Variants in CPEB3 observed in about 807,000 individuals in gnomAD.
The protein encoded by CPEB3 is cytoplasmic polyadenylation element binding protein 3.
A neutral mutation model predicts 67.2 loss-of-function variants in CPEB3; 20 were observed. That is an observed-to-expected ratio of 0.30 (90% CI 0.21 to 0.43). The LOEUF is 0.43. CPEB3 is among the 20% of genes least tolerant of loss of function. The pLI is 1.00. For synonymous variants in CPEB3, 376 were observed against 393.1 expected (o/e 0.96, Z 0.51); for missense variants, 746 against 968.6 (o/e 0.77, Z 3.05).
chr10:92,113,981 T>C (rs1372321092), intron 6 of CPEB3, among the ~76,000 whole-genome samples: 1 of 152,230 alleles, frequency 6.6e-6, no homozygotes, highest in Non-Finnish European at 1.5e-5. Flanking sequence ...AGGATGGCTC[T>C]TTTACTATAA....
chr10:92,199,658 T>C (rs1164224960), intron 2 of CPEB3, among the ~76,000 whole-genome samples: 3 of 115,104 alleles, frequency 2.6e-5, no homozygotes, highest in Non-Finnish European at 4.9e-5. Context: ...TACTCCAGCC[T>C]GGGTGACAGA....
chr10:92,125,158 GT>G (rs1845555444), intron 6 of CPEB3, among the ~76,000 whole-genome samples: 1 of 152,228 alleles, frequency 6.6e-6, no homozygotes, highest in Non-Finnish European at 1.5e-5. Flanking sequence ...CTAAAAGTGG[GT>G]GGGAATCATT....
intron 1 of CPEB3, among the ~76,000 whole-genome samples, chr10:92,259,216 G>C (rs1226594056): frequency 6.6e-6 from 1 of 151,744 alleles, no homozygotes; most frequent in Non-Finnish European, 1.5e-5. Context: ...ACCCACCTCA[G>C]CCTCCCAAAG....
chr10:92,198,074 C>G (rs984274720), intron 2 of CPEB3, among the ~76,000 whole-genome samples: 1 of 152,114 alleles, frequency 6.6e-6, no homozygotes, highest in African/African-American at 2.4e-5. Flanking sequence ...CCATTGCACT[C>G]CACCCTGGGT....
intron 4 of CPEB3, among the ~76,000 whole-genome samples, chr10:92,179,018 G>A (rs1256631106): frequency 2.0e-5 from 3 of 152,080 alleles, no homozygotes; most frequent in African/African-American, 7.2e-5. Context: ...GACATTCAAA[G>A]ATTGATGCAC....
intron 4 of CPEB3, among the ~76,000 whole-genome samples, chr10:92,160,455 TTAATA>T (rs1172782690): frequency 1.3e-5 from 2 of 152,170 alleles, no homozygotes; most frequent in East Asian, 1.9e-4. Context: ...TATGGATGGA[TTAATA>T]TAACACTTCA....
intron 4 of CPEB3, among the ~76,000 whole-genome samples, chr10:92,145,903 T>G (rs1846656948): frequency 6.6e-6 from 1 of 152,206 alleles, no homozygotes; most frequent in Non-Finnish European, 1.5e-5. Flanking sequence ...GGCTGATAAC[T>G]TCTTTTCTAA....
At chr10:92,111,368 CTTGT>C (rs1844733550) in intron 6 of CPEB3, among the ~76,000 whole-genome samples, 174 bp from the exon 7 acceptor site, 2 of 152,318 alleles carry the variant, frequency 1.3e-5, no homozygotes, top group Middle Eastern at 3.4e-3. Context: ...TTGATATTAC[CTTGT>C]TTAATTTTTA....
intron 1 of CPEB3, among the ~76,000 whole-genome samples, chr10:92,258,392 G>C (rs1278990254): frequency 1.3e-5 from 2 of 151,684 alleles, no homozygotes; most frequent in African/African-American, 4.8e-5. Context: ...GAGCCACCGT[G>C]CCTGGCCAAC....
At chr10:92,075,987 T>C (rs1842919001) in intron 9 of CPEB3, among the ~76,000 whole-genome samples, 1 of 152,246 alleles carries the variant, frequency 6.6e-6, no homozygotes, top group South Asian at 2.1e-4. Context: ...ACACCTCATA[T>C]GGCCCTACTG....
At chr10:92,165,923 T>C (rs1847717193) in intron 4 of CPEB3, among the ~76,000 whole-genome samples, 1 of 152,158 alleles carries the variant, frequency 6.6e-6, no homozygotes, top group Middle Eastern at 3.2e-3. Context: ...AAGTTGTCCA[T>C]GAGGAATGGA....
At chr10:92,227,225 TTC>T (rs1851019743) in intron 2 of CPEB3, among the ~76,000 whole-genome samples, 1 of 152,190 alleles carries the variant, frequency 6.6e-6, no homozygotes, top group Admixed American at 6.6e-5. Context: ...TTAGGTAATA[TTC>T]TCTGAGTCTC....
intron 4 of CPEB3, among the ~76,000 whole-genome samples, chr10:92,175,956 T>C (rs1848204904): frequency 6.6e-6 from 1 of 152,138 alleles, no homozygotes; most frequent in African/African-American, 2.4e-5. Flanking sequence ...CCAGGCATAG[T>C]GGCGTGTGCC....
At chr10:92,257,027 CTTT>C (rs1265033670) in intron 1 of CPEB3, among the ~76,000 whole-genome samples, 1 of 152,162 alleles carries the variant, frequency 6.6e-6, no homozygotes, top group Admixed American at 6.5e-5. Flanking sequence ...TAAAGCACTT[CTTT>C]AACATTAGAC....
In CPEB3 at chr10:92,239,558, C is replaced by T. The variant is rs761634354; in HGVS notation, c.793G>A (p.Gly265Ser). Reference protein sequence around the residue: ...PSNPWGGLQAGRDPRRAVGVG... With the variant: ...PSNPWGGLQASRDPRRAVGVG... Reference sequence around the variant, plus strand: ...CCGACCGCCCGGCGAGGGTCCCGGCCCGCCTGCAGGCCGCCCCAGGGGTTG... The same window carrying T: ...CCGACCGCCCGGCGAGGGTCCCGGCTCGCCTGCAGGCCGCCCCAGGGGTTG... The change falls in exon 2 of 10, where the codon GGC becomes AGC. Residue 265 changes from glycine to serine, a missense_variant. Physicochemically the swap from Gly to Ser is moderately conservative, Grantham distance 56. Transcript: ENST00000265997. The surrounding 1 kb of genome is among the most constrained non-coding windows in gnomAD (Gnocchi z 6.0). The T allele has an allele frequency of 1.1e-4, 165 of 1,555,914 alleles. No individual in the cohort carries two copies. Among genetic ancestry groups the T allele is most frequent in the Non-Finnish European group, 1.3e-4 (154 of 1,149,216 alleles).
chr10:92,209,517 A>G (rs1239553636), intron 2 of CPEB3, among the ~76,000 whole-genome samples: 1 of 151,888 alleles, frequency 6.6e-6, no homozygotes, highest in Admixed American at 6.6e-5. Context: ...AAGAGACAGA[A>G]ACTCTGTGTC....
At chr10:92,111,253 C>G in intron 6 of CPEB3, 59 bp from the exon 7 acceptor site, 1 of 1,076,562 alleles carries the variant, frequency 9.3e-7, no homozygotes, top group Non-Finnish European at 1.4e-6. Context: ...ACTCAAAGTA[C>G]CAATTACAAA....
intron 2 of CPEB3, among the ~76,000 whole-genome samples, chr10:92,231,882 G>A (rs1205259879): frequency 3.3e-5 from 5 of 151,762 alleles, no homozygotes; most frequent in Non-Finnish European, 7.4e-5. Flanking sequence ...ACCACGCCCA[G>A]CAAATTTTTG....
intron 1 of CPEB3, chr10:92,243,033 G>A (rs955781219): frequency 1.3e-5 from 2 of 151,820 alleles, no homozygotes; most frequent in East Asian, 1.9e-4. Flanking sequence ...TGGGTTTTTT[G>A]TTTTTGTTTT....
Sources: allele counts gnomAD v4.1 joint callset (sites outside exome capture counted in the v4.1 genomes callset), GRCh38; gene constraint gnomAD v4.1.1; non-coding constraint Gnocchi (gnomAD v3.1); transcripts MANE v1.5; gene names NCBI Gene and HGNC (gene_info 2026-07-23, HGNC 2026-07-21).